The following MARCHF7 variants were observed in gnomAD, a reference collection of about 807,000 sequenced individuals.
The protein encoded by MARCHF7 is membrane associated ring-CH-type finger 7, also known as E3 ubiquitin-protein ligase MARCHF7.
Under a neutral mutation model 76.5 loss-of-function variants are expected in MARCHF7, and 20 were observed. That is an observed-to-expected ratio of 0.26 (90% CI 0.18 to 0.38). The LOEUF (loss-of-function observed/expected upper bound fraction) is 0.38. Ranked by LOEUF, MARCHF7 falls within the 10% of genes least tolerant of loss-of-function variation. The pLI is 1.00. For missense variants in MARCHF7, 797 were observed against 812.9 expected (o/e 0.98, Z 0.24); for synonymous variants, 295 against 293.0 (o/e 1.01, Z -0.07).
Position 159,740,423 on chromosome 2 carries a change from G to C in MARCHF7, c.154-2638G>C, listed in dbSNP as rs180940904. ...TTCCTTTTTTAAAAATTGGGGACAG[G>C]ATTAGGTATTAGTTGCTATTTTAGA... On this transcript the variant is annotated intron_variant, in intron 4 of 11. Transcript: ENST00000409175. 5.6e-3 allele frequency among the ~76,000 whole-genome samples: 850 copies of C among 152,232 alleles called. 11 individuals carry two copies. Among genetic ancestry groups the C allele is most frequent in the Admixed American group, 0.02 (307 of 15,294 alleles).
At chr2:159,726,461 A>G (rs1405680599) in intron 3 of MARCHF7, among the ~76,000 whole-genome samples, 1 of 151,996 alleles carries the variant, frequency 6.6e-6, no homozygotes, top group Non-Finnish European at 1.5e-5. Flanking sequence ...ACGGGGTTTC[A>G]CTGTGTTAGC....
chr2:159,758,465 C>T (rs530280475), intron 8 of MARCHF7, among the ~76,000 whole-genome samples: 4 of 152,264 alleles, frequency 2.6e-5, no homozygotes, highest in East Asian at 3.9e-4. Flanking sequence ...CAGACAGAAA[C>T]GCTAACCATT....
At position 159,753,739 on chromosome 2, in the gene MARCHF7, C is replaced by T. The variant is rs574538069; in HGVS notation, c.1783+1168C>T. Among the ~76,000 whole-genome samples the T allele has an allele frequency of 1.5e-4, 23 of 152,206 alleles. 2 individuals are homozygous for T. In the South Asian group the frequency reaches 3.5e-3, roughly 23 times the overall value. On this transcript the variant is annotated intron_variant, in intron 8 of 11. Transcript: ENST00000409175. The stretch of plus-strand genomic sequence containing the variant: ...GGGGGACAAGAGTAGTACAGGGAGA[C>T]GAACCAGGAGTCTATTATCAGAGCA...
intron 7 of MARCHF7, among the ~76,000 whole-genome samples, chr2:159,750,591 A>G (rs1013511567): frequency 6.6e-6 from 1 of 152,198 alleles, no homozygotes; most frequent in Non-Finnish European, 1.5e-5. Context: ...ATACAAAGAA[A>G]TCTTTATAGA....
In MARCHF7 at chr2:159,758,546, T is replaced by G. The variant is rs202070188; in HGVS notation, c.1784-680T>G. Among the ~76,000 whole-genome samples, 12 of 152,364 alleles carry G rather than the reference T, an allele frequency of 7.9e-5. No homozygotes were observed. The East Asian group carries it at 2.3e-3, about 29-fold the overall frequency. On this transcript the variant is annotated intron_variant, in intron 8 of 11. Coordinates refer to ENST00000409175, the MANE Select transcript of MARCHF7 (RefSeq NM_001282805.2). ...AGTAACTTCTGGTCTACTTTCTGTC[T>G]CTGTGAATTTGCATATTCCAGATAT...
intron 7 of MARCHF7, 37 bp from the exon 8 acceptor site, chr2:159,752,365 G>C: frequency 6.6e-7 from 1 of 1,519,796 alleles, no homozygotes; most frequent in Non-Finnish European, 8.8e-7. Context: ...ACCAGGATGA[G>C]TTATGATAGC....
At chr2:159,718,357 A>AT (rs1454911606) in intron 3 of MARCHF7, among the ~76,000 whole-genome samples, 5 of 152,168 alleles carry the variant, frequency 3.3e-5, no homozygotes, top group African/African-American at 1.2e-4. Context: ...TATTAAATAC[A>AT]TATTTATTAA....
intron 1 of MARCHF7, among the ~76,000 whole-genome samples, chr2:159,713,911 T>C (rs1218629014): frequency 6.6e-6 from 1 of 152,304 alleles, no homozygotes; most frequent in South Asian, 2.1e-4. Context: ...GACATAATAC[T>C]AGTCTTGGTT....
At chr2:159,760,676 G>A (rs1007700008) in intron 9 of MARCHF7, among the ~76,000 whole-genome samples, 2 of 150,912 alleles carry the variant, frequency 1.3e-5, no homozygotes, top group South Asian at 4.2e-4. Context: ...TTCCTGAGAT[G>A]CTTCATCCTG....
chr2:159,763,054 A>G, intron 10 of MARCHF7, 61 bp downstream of exon 10: 1 of 1,015,254 alleles, frequency 9.8e-7, no homozygotes, highest in South Asian at 1.5e-5. Flanking sequence ...TGCCTTGGAA[A>G]GCAGATTGTT....
chr2:159,732,858 C>T (rs1448036870), intron 4 of MARCHF7: 1 of 984,968 alleles, frequency 1.0e-6, no homozygotes, highest in East Asian at 1.1e-4. Flanking sequence ...GTATTTTCTT[C>T]TGTGAAATGG....
At chr2:159,722,538 C>T (rs910947124) in intron 3 of MARCHF7, among the ~76,000 whole-genome samples, 6 of 152,144 alleles carry the variant, frequency 3.9e-5, no homozygotes, top group African/African-American at 1.2e-4. Context: ...CATCTCAGAA[C>T]GTTTAGTGTT....
At chr2:159,731,151 C>G (rs1176006762) in intron 4 of MARCHF7, among the ~76,000 whole-genome samples, 4 of 152,148 alleles carry the variant, frequency 2.6e-5, no homozygotes, top group African/African-American at 9.7e-5. Flanking sequence ...ACCTTCCCTC[C>G]CAGAGTGCTG....
rs190192157 is a variant in MARCHF7 at position 159,757,883 on chromosome 2, C to G, written c.1784-1343C>G. Among the ~76,000 whole-genome samples, 218 of 152,210 alleles carry G rather than the reference C, an allele frequency of 1.4e-3. 1 individual carries two copies. Among genetic ancestry groups the G allele is most frequent in the Non-Finnish European group, 2.6e-3 (176 of 68,018 alleles). ...AAACTCAGTGTAATTTGACTACAGC[C>G]CATTTTGAGACAGCATACTTCTTCA... On this transcript the variant is annotated intron_variant, in intron 8 of 11. Transcript: ENST00000409175.
chr2:159,717,104 A>G (rs968217135), intron 3 of MARCHF7, among the ~76,000 whole-genome samples: 11 of 152,238 alleles, frequency 7.2e-5, no homozygotes, highest in Admixed American at 2.6e-4. Flanking sequence ...ACTCTTTGTG[A>G]TCATTTATGA....
chr2:159,763,813 A>T (rs1047861963), intron 10 of MARCHF7, among the ~76,000 whole-genome samples: 14 of 152,060 alleles, frequency 9.2e-5, no homozygotes, highest in African/African-American at 3.1e-4. Flanking sequence ...TTAGTAAAAA[A>T]TTTTTCTTTA....
intron 3 of MARCHF7, among the ~76,000 whole-genome samples, chr2:159,718,334 A>C (rs1173240843): frequency 6.6e-6 from 1 of 152,210 alleles, no homozygotes; most frequent in Non-Finnish European, 1.5e-5. Flanking sequence ...ATAGGAAATG[A>C]ATTTTATTAA....
intron 11 of MARCHF7, among the ~76,000 whole-genome samples, chr2:159,765,198 G>A (rs1371370148): frequency 7.2e-6 from 1 of 138,568 alleles, no homozygotes; most frequent in East Asian, 2.1e-4. Context: ...TGGTGGTGGT[G>A]GTAGTGGGTT....
chr2:159,749,343 T>G (rs1003238912), intron 7 of MARCHF7, among the ~76,000 whole-genome samples: 2 of 150,720 alleles, frequency 1.3e-5, no homozygotes, highest in South Asian at 2.1e-4. Context: ...TTTGTTTTTG[T>G]TTTTTTTTGT....
Sources: gnomAD v4.1 joint callset for allele counts (sites outside exome capture counted in the v4.1 genomes callset) on GRCh38, gnomAD v4.1.1 for gene constraint, MANE v1.5 for transcripts, NCBI Gene and HGNC (gene_info 2026-07-23, HGNC 2026-07-21) for gene names.